Variants in KIF6 observed in about 807,000 individuals in gnomAD.
KIF6 encodes kinesin-like protein KIF6.
Under a neutral mutation model 112.7 loss-of-function variants are expected in KIF6, and 106 were observed. That is an observed-to-expected ratio of 0.94 (90% confidence interval 0.80 to 1.11). The LOEUF is 1.11. KIF6 is among the 50% of genes least tolerant of loss of function. The pLI is 0.00. For synonymous variants in KIF6, 339 were observed against 339.9 expected (o/e 1.00, Z 0.03); for missense variants, 929 against 964.0 (o/e 0.96, Z 0.48).
rs61215070 is a variant in KIF6 at position 39,584,417 on chromosome 6, TAAAAAAAAAAAAA to T, written c.1077+468_1077+480del. ...TCCAGCCTGAGCAAGACTCTGTCTCTAAAAAAAAAAAAAAAAAAAAAAAAAAAAAAAAAAAAAA... is the reference window on the plus strand; with the variant it reads ...TCCAGCCTGAGCAAGACTCTGTCTCTAAAAAAAAAAAAAAAAAAAAAAAAA... On this transcript the variant is annotated intron_variant, in intron 9 of 22. Coordinates refer to ENST00000287152, the MANE Select transcript of KIF6 (RefSeq NM_145027.6). Among the ~76,000 whole-genome samples the T allele has an allele frequency of 6.3e-4, 29 of 46,046 alleles. No individual in the cohort carries two copies. In the South Asian group the frequency reaches 9.1e-3, roughly 14 times the overall value. 30.2% of individuals were successfully genotyped at this position (46,046 alleles called of 152,430 possible).
chr6:39,398,028 C>T (rs1448525011), intron 15 of KIF6, among the ~76,000 whole-genome samples: 5 of 152,088 alleles, frequency 3.3e-5, no homozygotes, highest in Non-Finnish European at 5.9e-5. Flanking sequence ...AAATTTTCTG[C>T]GTCCAAGGGA....
chr6:39,651,584 G>C (rs572377399), intron 3 of KIF6, among the ~76,000 whole-genome samples: 3 of 152,284 alleles, frequency 2.0e-5, no homozygotes, highest in African/African-American at 7.2e-5. Context: ...CTCTAGTTTA[G>C]ATTTAAGTTA....
intron 9 of KIF6, chr6:39,583,574 C>T: frequency 2.3e-6 from 1 of 443,198 alleles, no homozygotes; most frequent in Non-Finnish European, 4.8e-6. Context: ...AAAGGACAAA[C>T]AATCAAGAGG....
chr6:39,617,622 A>G, intron 5 of KIF6: 2 of 433,296 alleles, frequency 4.6e-6, no homozygotes, highest in South Asian at 3.3e-5. Context: ...TATCACGACA[A>G]ATGTCTGTCA....
At chr6:39,401,854 T>C (rs1768732885) in intron 15 of KIF6, among the ~76,000 whole-genome samples, 1 of 152,178 alleles carries the variant, frequency 6.6e-6, no homozygotes, top group South Asian at 2.1e-4. Flanking sequence ...GTAGTTAATA[T>C]AGTCTCTTAC....
chr6:39,576,947 C>G (rs1318912464), intron 10 of KIF6, among the ~76,000 whole-genome samples: 2 of 152,286 alleles, frequency 1.3e-5, no homozygotes, highest in South Asian at 4.1e-4. Context: ...TGGTAATTCC[C>G]TTCTTTGAGG....
At chr6:39,381,588 A>G (rs1413073562) in intron 16 of KIF6, among the ~76,000 whole-genome samples, 1 of 152,128 alleles carries the variant, frequency 6.6e-6, no homozygotes, top group African/African-American at 2.4e-5. Flanking sequence ...AGGTTCTATA[A>G]GCAATCTGTC....
intron 13 of KIF6, among the ~76,000 whole-genome samples, chr6:39,536,593 A>C (rs1778441113): frequency 6.6e-6 from 1 of 152,172 alleles, no homozygotes; most frequent in South Asian, 2.1e-4. Context: ...AACGAAAAAG[A>C]GTCCAGGACC....
chr6:39,475,454 T>C (rs566972655), intron 13 of KIF6, among the ~76,000 whole-genome samples: 6 of 152,332 alleles, frequency 3.9e-5, no homozygotes, highest in Admixed American at 1.3e-4. Flanking sequence ...ACAGGGCTAT[T>C]TGAAATAACA....
chr6:39,433,824 T>C, intron 13 of KIF6, among the ~76,000 whole-genome samples: 1 of 152,164 alleles, frequency 6.6e-6, no homozygotes, highest in East Asian at 1.9e-4. Context: ...CACGGGCAGC[T>C]CCAGTGTGTG....
chr6:39,675,146 G>A (rs989988994), intron 3 of KIF6, among the ~76,000 whole-genome samples: 4 of 152,046 alleles, frequency 2.6e-5, no homozygotes, highest in African/African-American at 4.8e-5. Flanking sequence ...AATGAAAATC[G>A]AAATAAAAGC....
chr6:39,432,645 C>T (rs1246100218), intron 13 of KIF6, among the ~76,000 whole-genome samples: 2 of 152,122 alleles, frequency 1.3e-5, no homozygotes, highest in Non-Finnish European at 2.9e-5. Flanking sequence ...ATTGGGTAGG[C>T]CTGGGAATCC....
intron 12 of KIF6, among the ~76,000 whole-genome samples, chr6:39,542,728 C>T (rs1778855453): frequency 6.6e-6 from 1 of 152,182 alleles, no homozygotes; most frequent in South Asian, 2.1e-4. Context: ...ATAGTCATAA[C>T]TCCAATTACA....
chr6:39,500,281 G>A (rs920189682), intron 13 of KIF6, among the ~76,000 whole-genome samples: 1 of 152,202 alleles, frequency 6.6e-6, no homozygotes, highest in African/African-American at 2.4e-5. Context: ...ATACAAGAGA[G>A]AAATTATTAA....
chr6:39,680,556 T>G (rs1323540227), intron 3 of KIF6, among the ~76,000 whole-genome samples: 1 of 152,104 alleles, frequency 6.6e-6, no homozygotes, highest in Non-Finnish European at 1.5e-5. Context: ...TTCTCACAGA[T>G]AGATAGTAGA....
chr6:39,631,728 T>A (rs1784363869), intron 5 of KIF6, among the ~76,000 whole-genome samples: 1 of 151,950 alleles, frequency 6.6e-6, no homozygotes, highest in Non-Finnish European at 1.5e-5. Flanking sequence ...TTTTTTTGTT[T>A]TTTTTGTACA....
At chr6:39,670,500 G>C (rs1256034266) in intron 3 of KIF6, among the ~76,000 whole-genome samples, 2 of 152,146 alleles carry the variant, frequency 1.3e-5, no homozygotes, top group Non-Finnish European at 2.9e-5. Flanking sequence ...TATTTATTAA[G>C]TGGAAGTGGG....
chr6:39,542,566 A>G (rs928339020), intron 12 of KIF6, among the ~76,000 whole-genome samples: 12 of 152,336 alleles, frequency 7.9e-5, no homozygotes, highest in African/African-American at 2.9e-4. Context: ...GGGTTCTACA[A>G]AGAAAGATAT....
At chr6:39,423,028 G>A (rs759917015) in intron 14 of KIF6, among the ~76,000 whole-genome samples, 2 of 152,190 alleles carry the variant, frequency 1.3e-5, no homozygotes, top group African/African-American at 2.4e-5. Context: ...ATGAGCGCCC[G>A]AGGGTTTCTT....
Sources: allele counts gnomAD v4.1 joint callset (sites outside exome capture counted in the v4.1 genomes callset), GRCh38; gene constraint gnomAD v4.1.1; transcripts MANE v1.5; gene names NCBI Gene and HGNC (gene_info 2026-07-23, HGNC 2026-07-21).